The following PGPEP1L variants were observed in gnomAD, a reference collection of about 807,000 sequenced individuals.
PGPEP1L encodes pyroglutamyl-peptidase I like.
A neutral mutation model predicts 6.0 loss-of-function variants in PGPEP1L; 7 were observed. That is an observed-to-expected ratio of 1.17 (90% CI 0.66 to 2.19). The LOEUF is 2.19. Ranked by LOEUF, PGPEP1L falls within the 30% of genes most tolerant of loss-of-function variation. The pLI, the probability that PGPEP1L is intolerant of heterozygous loss-of-function variation, is 0.00. For synonymous variants in PGPEP1L, 103 were observed against 83.9 expected (o/e 1.23, Z -1.24); for missense variants, 209 against 192.5 (o/e 1.09, Z -0.51).
At chr15:99,006,195 T>C (rs1555473614) in intron 1 of PGPEP1L, among the ~76,000 whole-genome samples, 2 of 152,214 alleles carry the variant, frequency 1.3e-5, no homozygotes, top group Non-Finnish European at 2.9e-5. Context: ...CAGCACCGGA[T>C]CCTGTATGGA....
chr15:98,969,827 G>A (rs1178022837), intron 3 of PGPEP1L, among the ~76,000 whole-genome samples, 176 bp from the exon 4 acceptor site: 2 of 151,930 alleles, frequency 1.3e-5, no homozygotes, highest in South Asian at 2.1e-4. Context: ...TAATATGGCT[G>A]GAAAGAAAAA....
At chr15:98,972,118 C>T (rs1240176449) in intron 2 of PGPEP1L, among the ~76,000 whole-genome samples, 2 of 151,988 alleles carry the variant, frequency 1.3e-5, no homozygotes, top group African/African-American at 2.4e-5. Flanking sequence ...TTTGGGAGGC[C>T]GAGGTGAGTG....
intron 2 of PGPEP1L, among the ~76,000 whole-genome samples, chr15:98,986,838 C>T (rs971414120): frequency 6.6e-6 from 1 of 152,070 alleles, no homozygotes; most frequent in East Asian, 1.9e-4. Flanking sequence ...AATCTTTGTG[C>T]TCCACATCAG....
intron 2 of PGPEP1L, among the ~76,000 whole-genome samples, chr15:98,981,928 G>A (rs1233123592): frequency 6.6e-6 from 1 of 152,130 alleles, no homozygotes; most frequent in African/African-American, 2.4e-5. Context: ...GGGCCATGTA[G>A]GAAGTAGGGG....
intron 2 of PGPEP1L, among the ~76,000 whole-genome samples, chr15:98,992,377 G>A (rs2017831812): frequency 1.3e-5 from 2 of 152,046 alleles, no homozygotes; most frequent in Admixed American, 1.3e-4. Flanking sequence ...AAATACCTAG[G>A]AATACAACTT....
chr15:98,976,452 C>T (rs74680314), intron 2 of PGPEP1L, among the ~76,000 whole-genome samples: 4,798 of 152,244 alleles, frequency 0.032, 263 homozygotes, highest in African/African-American at 0.11. Flanking sequence ...TATGGAATCA[C>T]AATCTAAAAG....
intron 2 of PGPEP1L, among the ~76,000 whole-genome samples, chr15:98,982,632 G>A (rs575623029): frequency 6.7e-6 from 1 of 150,284 alleles, no homozygotes; most frequent in Non-Finnish European, 1.5e-5. Flanking sequence ...TCATAGGTGA[G>A]GTCTGTGTAA....
At chr15:98,990,417 C>CT (rs782481128) in intron 2 of PGPEP1L, among the ~76,000 whole-genome samples, 78 of 152,304 alleles carry the variant, frequency 5.1e-4, no homozygotes, top group Non-Finnish European at 1.0e-3. Context: ...AGCTAACCAT[C>CT]TTAAATACAT....
At chr15:98,976,132 G>A (rs998639421) in intron 2 of PGPEP1L, among the ~76,000 whole-genome samples, 1 of 152,114 alleles carries the variant, frequency 6.6e-6, no homozygotes, top group African/African-American at 2.4e-5. Context: ...GAAAGTTCTA[G>A]ACACGATAGT....
chr15:98,982,699 GC>G (rs2017682431), intron 2 of PGPEP1L, among the ~76,000 whole-genome samples: 22 of 73,448 alleles, frequency 3.0e-4, no homozygotes, highest in African/African-American at 7.4e-4. Flanking sequence ...TTTATCTGAG[GC>G]TTTTTTTTTT....
At chr15:99,004,954 TG>T (rs1420965044) in intron 2 of PGPEP1L, among the ~76,000 whole-genome samples, 1 of 151,744 alleles carries the variant, frequency 6.6e-6, no homozygotes, top group Non-Finnish European at 1.5e-5. Flanking sequence ...ACTCTGGAAG[TG>T]GGGACTGTGT....
At chr15:98,985,708 G>A (rs1416402571) in intron 2 of PGPEP1L, among the ~76,000 whole-genome samples, 1 of 152,234 alleles carries the variant, frequency 6.6e-6, no homozygotes, top group East Asian at 1.9e-4. Context: ...CCACTTTGTG[G>A]TATGTGCCCT....
At chr15:98,978,706 G>GTATATATATATATA (rs60484400) in intron 2 of PGPEP1L, among the ~76,000 whole-genome samples, 2 of 90,578 alleles carry the variant, frequency 2.2e-5, no homozygotes, top group African/African-American at 4.5e-5. Context: ...ATTAGACTGT[G>GTATATATATATATA]TATATATATA....
chr15:98,976,950 T>C (rs1297002408), intron 2 of PGPEP1L, among the ~76,000 whole-genome samples: 1 of 144,584 alleles, frequency 6.9e-6, no homozygotes, highest in Non-Finnish European at 1.5e-5. Context: ...GGTACAACAA[T>C]ACTGTATCCA....
intron 2 of PGPEP1L, among the ~76,000 whole-genome samples, chr15:98,992,660 C>A (rs571098583): frequency 1.3e-5 from 2 of 152,314 alleles, no homozygotes; most frequent in East Asian, 3.9e-4. Context: ...GCAAAAAGAT[C>A]AAAGCTGGAG....
chr15:98,979,633 C>CTTTTTTTT lies in PGPEP1L; in HGVS notation c.-141-8483_-141-8476dup, dbSNP rs568793204. On this transcript the variant is annotated intron_variant, in intron 2 of 4. Transcript: ENST00000535714. The stretch of plus-strand genomic sequence containing the variant: ...AACCTGGATGGGATTGGAGACTATT[C>CTTTTTTTT]TTTTTTTTTTTTTTTTTTTTTTTTT... 1.4e-3 allele frequency among the ~76,000 whole-genome samples: 65 copies of CTTTTTTTT among 46,488 alleles called. 5 individuals are homozygous for CTTTTTTTT. The highest frequency in any genetic ancestry group is 2.1e-3 in the African/African-American group (35 of 16,692). The allele number at this position is 46,488 out of a possible 152,430, so 30.5% of individuals were successfully genotyped here.
chr15:98,981,837 T>TA (rs1168328592), intron 2 of PGPEP1L, among the ~76,000 whole-genome samples: 3 of 152,158 alleles, frequency 2.0e-5, no homozygotes, highest in Admixed American at 6.5e-5. Flanking sequence ...AAAGTTTGTC[T>TA]AAAAAAATAA....
chr15:98,993,512 G>C (rs535500523), intron 2 of PGPEP1L, among the ~76,000 whole-genome samples: 23 of 152,190 alleles, frequency 1.5e-4, no homozygotes, highest in African/African-American at 5.3e-4. Context: ...GTGTAAACTA[G>C]TTCAACAATT....
chr15:98,976,659 G>A (rs1178665149), intron 2 of PGPEP1L, among the ~76,000 whole-genome samples: 2 of 152,160 alleles, frequency 1.3e-5, no homozygotes, highest in Non-Finnish European at 2.9e-5. Flanking sequence ...GGCAAGGAGG[G>A]GCAGTGGCCA....
Sources: gnomAD v4.1 joint callset for allele counts (sites outside exome capture counted in the v4.1 genomes callset) on GRCh38, gnomAD v4.1.1 for gene constraint, MANE v1.5 for transcripts, NCBI Gene and HGNC (gene_info 2026-07-23, HGNC 2026-07-21) for gene names.